The following COL4A2 variants were observed in gnomAD, a reference collection of about 807,000 sequenced individuals.
COL4A2 encodes collagen alpha-2(IV) chain.
A neutral mutation model predicts 200.2 loss-of-function variants in COL4A2; 99 were observed. The ratio of observed to expected loss-of-function variants is 0.49; its 90% confidence interval spans 0.42 to 0.58. COL4A2 has a LOEUF of 0.58. Among genes scored for constraint, COL4A2 ranks in the 20% least tolerant of loss-of-function variants. The pLI is 0.00. For synonymous variants in COL4A2, 897 were observed against 900.6 expected, an observed-to-expected ratio of 1.00 and a Z score of 0.07; for missense variants, 1,950 against 2,314.1, an observed-to-expected ratio of 0.84 and a Z score of 3.23.
At chr13:110,317,973 C>T (rs1885184864) in intron 3 of COL4A2, among the ~76,000 whole-genome samples, 1 of 152,206 alleles carries the variant, frequency 6.6e-6, no homozygotes, top group Non-Finnish European at 1.5e-5. Flanking sequence ...GCTGGGTCTT[C>T]TCTCACCGCC....
chr13:110,364,344 C>T (rs944574193), intron 4 of COL4A2, among the ~76,000 whole-genome samples: 3 of 152,146 alleles, frequency 2.0e-5, no homozygotes, highest in South Asian at 2.1e-4. Flanking sequence ...AACTGGGTCC[C>T]GTGATTATTT....
chr13:110,377,661 T>C (rs1179512903), intron 4 of COL4A2, among the ~76,000 whole-genome samples: 1 of 152,142 alleles, frequency 6.6e-6, no homozygotes, highest in Non-Finnish European at 1.5e-5. Context: ...CAGAAACTCC[T>C]CCCCCGCCTT....
chr13:110,439,014 T>C (rs1453112528), intron 15 of COL4A2, among the ~76,000 whole-genome samples: 1 of 152,168 alleles, frequency 6.6e-6, no homozygotes, highest in Non-Finnish European at 1.5e-5. Context: ...TAACCAGAAA[T>C]GTAGAATATC....
intron 11 of COL4A2, among the ~76,000 whole-genome samples, chr13:110,432,830 G>A (rs1348798843): frequency 6.6e-6 from 1 of 152,182 alleles, no homozygotes; most frequent in Non-Finnish European, 1.5e-5. Context: ...ATCAAGTTAG[G>A]CTAGAGCCCA....
At chr13:110,468,937 T>C (rs141131758) in intron 27 of COL4A2, among the ~76,000 whole-genome samples, 1 of 152,064 alleles carries the variant, frequency 6.6e-6, no homozygotes, top group African/African-American at 2.4e-5. Context: ...GGGCCAAAAT[T>C]TATAGCCAAG....
intron 3 of COL4A2, among the ~76,000 whole-genome samples, chr13:110,327,839 G>A (rs1484258450): frequency 2.6e-5 from 4 of 152,164 alleles, no homozygotes; most frequent in East Asian, 1.9e-4. Context: ...AAAACTTAAC[G>A]CTTGAAGCAA....
intron 38 of COL4A2, 33 bp from the exon 39 acceptor site, chr13:110,493,178 T>A: frequency 6.2e-7 from 1 of 1,612,780 alleles, no homozygotes. Context: ...CCCCCGCAGG[T>A]GAAATAAATA....
At chr13:110,351,721 C>A (rs893593145) in intron 3 of COL4A2, among the ~76,000 whole-genome samples, 1 of 152,156 alleles carries the variant, frequency 6.6e-6, no homozygotes, top group African/African-American at 2.4e-5. Flanking sequence ...CAGATAAGTC[C>A]AATGGGGTCT....
chr13:110,445,377 G>T lies in COL4A2; in HGVS notation c.958-452G>T, dbSNP rs183716820. ...CTCCGCAAATGATCCCTGCTGAAAA[G>T]GGGAACCTGCACCTAGGGCAGCCTC... On this transcript the variant is annotated intron_variant, in intron 16 of 47. Coordinates refer to ENST00000360467, the MANE Select transcript of COL4A2 (RefSeq NM_001846.4). Among the ~76,000 whole-genome samples, 35 of 152,284 alleles carry T rather than the reference G, an allele frequency of 2.3e-4. 1 individual carries two copies. Among genetic ancestry groups the T allele is most frequent in the Admixed American group, 4.6e-4 (7 of 15,298 alleles).
chr13:110,374,761 T>A (rs2139404805), intron 4 of COL4A2, among the ~76,000 whole-genome samples: 1 of 152,304 alleles, frequency 6.6e-6, no homozygotes, highest in South Asian at 2.1e-4. Context: ...TCCTGCTCTG[T>A]CCCACTGCTC....
intron 12 of COL4A2, among the ~76,000 whole-genome samples, chr13:110,435,299 T>C (rs747811390): frequency 6.6e-6 from 1 of 151,980 alleles, no homozygotes; most frequent in African/African-American, 2.4e-5. Flanking sequence ...TACAATGAAA[T>C]ATAACAAAAT....
Position 110,462,297 on chromosome 13 carries a change from C to T in COL4A2, c.1689C>T (p.Gly563=), listed in dbSNP as rs761007313. The T allele has an allele frequency of 1.2e-5, 19 of 1,614,096 alleles. No homozygotes were observed. The African/African-American group carries it at 1.7e-4, about 15-fold the overall frequency. The part of the protein sequence containing the change: ...ITTKGERGQP[G]VPGVPGMKGD... ...TTCTAGGTGAGCGGGGACAGCCCGG[C>T]GTCCCAGGTGTGCCCGGGATGAAAG... Residue 563 remains glycine, a synonymous_variant, in exon 24 of 48, where the codon GGC becomes GGT. Coordinates refer to ENST00000360467, the MANE Select transcript of COL4A2 (RefSeq NM_001846.4).
At chr13:110,441,024 C>T (rs186537481) in intron 16 of COL4A2, among the ~76,000 whole-genome samples, 13 of 152,350 alleles carry the variant, frequency 8.5e-5, no homozygotes, top group African/African-American at 2.6e-4. Context: ...CTTACGCCCT[C>T]GAGGTGGTTT....
chr13:110,496,637 A>AGT (rs1566567542), intron 40 of COL4A2, among the ~76,000 whole-genome samples: 1 of 131,016 alleles, frequency 7.6e-6, no homozygotes, highest in African/African-American at 2.9e-5. Flanking sequence ...TCAGTCAAGG[A>AGT]TGAGGATCTA....
chr13:110,456,422 G>GA (rs1881735015), intron 20 of COL4A2: 3 of 272,224 alleles, frequency 1.1e-5, no homozygotes, highest in African/African-American at 6.9e-5. Flanking sequence ...TTAGTTTTTT[G>GA]GGGGGGAACC....
chr13:110,484,982 G>T lies in COL4A2; in HGVS notation c.2980G>T (p.Gly994Ter). The change falls in exon 33 of 48, where the codon GGA becomes TGA. Residue 994 changes from glycine to a stop codon, truncating the protein, a stop_gained. Coordinates refer to ENST00000360467, the MANE Select transcript of COL4A2 (RefSeq NM_001846.4). LOFTEE classifies it high-confidence loss of function. Reference protein sequence around the residue: ...PGMKDIKGEKGDEGPMGLKGY... With the variant: ...PGMKDIKGEK ...AATGAAAGACATTAAAGGAGAGAAA[G>T]GAGATGAAGGGCCTATGGGGCTGAA... The T allele has an allele frequency of 1.2e-6, 2 of 1,612,782 alleles. No individual in the cohort carries two copies. Among genetic ancestry groups the T allele is most frequent in the Non-Finnish European group, 1.7e-6 (2 of 1,178,992 alleles).
At chr13:110,491,688 C>T (rs756168173) in intron 37 of COL4A2, among the ~76,000 whole-genome samples, 1 of 152,140 alleles carries the variant, frequency 6.6e-6, no homozygotes, top group Non-Finnish European at 1.5e-5. Context: ...AGAAGGAGAG[C>T]GGACAGTGGG....
intron 6 of COL4A2, among the ~76,000 whole-genome samples, chr13:110,426,892 T>G (rs1271552660): frequency 6.6e-6 from 1 of 151,568 alleles, no homozygotes; most frequent in Non-Finnish European, 1.5e-5. Flanking sequence ...TGTCTTTATT[T>G]GAAAGGCCAC....
At chr13:110,482,738 C>G in intron 32 of COL4A2, 79 bp downstream of exon 32, 1 of 1,474,758 alleles carries the variant, frequency 6.8e-7, no homozygotes, top group East Asian at 2.3e-5. Context: ...ATAACATTGC[C>G]CAGAATGAAT....
Sources: gnomAD v4.1 joint callset for allele counts (sites outside exome capture counted in the v4.1 genomes callset) on GRCh38, gnomAD v4.1.1 for gene constraint, MANE v1.5 for transcripts, NCBI Gene and HGNC (gene_info 2026-07-23, HGNC 2026-07-21) for gene names.